The following IRAG2 variants were observed in gnomAD, a reference collection of about 807,000 sequenced individuals.
IRAG2 encodes inositol 1,4,5-triphosphate receptor associated 2, also known as lymphoid restricted membrane protein.
Under a neutral mutation model 69.9 loss-of-function variants are expected in IRAG2, and 45 were observed. The observed-to-expected ratio is 0.64, with a 90% confidence interval of 0.51 to 0.83. The LOEUF (loss-of-function observed/expected upper bound fraction) is 0.83. IRAG2 is among the 40% of genes least tolerant of loss of function. The pLI is 0.00. For synonymous variants in IRAG2, 193 were observed against 202.4 expected, an observed-to-expected ratio of 0.95 and a Z score of 0.40; for missense variants, 520 against 587.0, an observed-to-expected ratio of 0.89 and a Z score of 1.18.
At chr12:24,999,622 A>T (rs1944376688), upstream of IRAG2, among the ~76,000 whole-genome samples, 3 of 152,178 alleles carry the variant, frequency 2.0e-5, no homozygotes, top group Non-Finnish European at 4.4e-5. Flanking sequence ...CCACTTCTTA[A>T]TTTTCTGTTT....
intron 5 of IRAG2, among the ~76,000 whole-genome samples, chr12:25,068,717 C>T (rs1018424693): frequency 4.6e-5 from 7 of 152,058 alleles, no homozygotes; most frequent in Non-Finnish European, 8.8e-5. Flanking sequence ...TCCTATCACT[C>T]GGGAAATTAC....
At chr12:25,002,649 CTT>C (rs374969962), upstream of IRAG2, among the ~76,000 whole-genome samples, 2 of 145,476 alleles carry the variant, frequency 1.4e-5, no homozygotes, top group Non-Finnish European at 3.0e-5. Flanking sequence ...TTCTTCTTTT[CTT>C]TTTTTTTTTG....
At chr12:25,076,778 C>G in intron 6 of IRAG2, 1 of 225,190 alleles carries the variant, frequency 4.4e-6, no homozygotes, top group Non-Finnish European at 7.4e-6. Flanking sequence ...ATTAAGAAAT[C>G]AATTCTTATT....
At chr12:25,003,468 CCTGAGTAGCT>C (rs1219362311), upstream of IRAG2, among the ~76,000 whole-genome samples, 68 of 151,984 alleles carry the variant, frequency 4.5e-4, no homozygotes, top group Non-Finnish European at 4.4e-5. Context: ...ACCCCCACCT[CCTGAGTAGCT>C]GGAACTACAG....
rs1944674351 is a variant in IRAG2, at chr12:25,032,313, A to AG, written c.1591dup (p.Glu531GlyfsTer4). On this transcript the variant is annotated frameshift_variant, in exon 12 of 39. Transcript: ENST00000636465. LOFTEE classifies it high-confidence loss of function. ...GTTGTGTGCGATTCCAGAATTTACG[A>AG]GGGGAAAAAAGTAAACTGGCTCATG... The AG allele has an allele frequency of 2.5e-6, 1 of 398,934 alleles. No individual in the cohort carries two copies. Among genetic ancestry groups the AG allele is most frequent in the African/African-American group, 2.1e-5 (1 of 48,628 alleles). The allele number at this position is 398,934 out of a possible 1,614,324, so 24.7% of individuals were successfully genotyped here. A position where few individuals can be genotyped will look rare whatever the true frequency, so the allele number is the denominator to read the frequency against.
chr12:25,030,964 A>G, intron 10 of IRAG2: 1 of 904,102 alleles, frequency 1.1e-6, no homozygotes, highest in Non-Finnish European at 1.3e-6. Flanking sequence ...AGATACATAG[A>G]TAGATATCAT....
Position 25,063,750 on chromosome 12 carries a change from C to T in IRAG2, c.-273C>T. The T allele has an allele frequency of 7.5e-6, 3 of 398,938 alleles. No homozygotes were observed. The highest frequency in any genetic ancestry group is 1.3e-5 in the Non-Finnish European group (3 of 226,052). 24.7% of individuals were successfully genotyped at this position (398,938 alleles called of 1,614,324 possible). On this transcript the variant is annotated 5_prime_UTR_variant, in exon 4 of 22. Transcript: ENST00000556887. ...GTGTTGCCACAAACTATATGGTGGT[C>T]AAGAAGCAAGAATACATCAGACACC...
upstream of IRAG2, chr12:25,052,268 G>A: frequency 2.6e-6 from 1 of 386,354 alleles, no homozygotes; most frequent in Non-Finnish European, 4.5e-6. Flanking sequence ...AACAACTACA[G>A]GAAGATGCTG....
chr12:25,010,899 C>T (rs550423358), intron 2 of IRAG2, among the ~76,000 whole-genome samples: 1 of 152,248 alleles, frequency 6.6e-6, no homozygotes, highest in Non-Finnish European at 1.5e-5. Context: ...AATGCCTCCT[C>T]CACCCCCTAA....
chr12:25,086,084 CA>C lies in IRAG2; in HGVS notation c.316-2008del, dbSNP rs374986462. ...GAGAGAATAAAATTCCTTCTCATCTCAAAAAAAATATAGACATAAAGACACT... is the reference window on the plus strand; with the variant it reads ...GAGAGAATAAAATTCCTTCTCATCTCAAAAAAATATAGACATAAAGACACT... On this transcript the variant is annotated intron_variant, in intron 10 of 21. Transcript: ENST00000556887. Among the ~76,000 whole-genome samples, 352 of 151,716 alleles carry C rather than the reference CA, an allele frequency of 2.3e-3. 3 individuals carry two copies. Among genetic ancestry groups the C allele is most frequent in the African/African-American group, 7.7e-3 (320 of 41,376 alleles).
chr12:25,102,044 G>A, intron 16 of IRAG2, 154 bp from the exon 17 acceptor site: 1 of 705,578 alleles, frequency 1.4e-6, no homozygotes, highest in East Asian at 2.7e-5. Context: ...TATGAAGAAT[G>A]AAATGAATGA....
intron 14 of IRAG2, among the ~76,000 whole-genome samples, chr12:25,091,566 A>G (rs1446934662): frequency 6.6e-6 from 1 of 152,162 alleles, no homozygotes; most frequent in Non-Finnish European, 1.5e-5. Context: ...AGGTGTATAA[A>G]TATCTCTTGG....
chr12:25,077,352 G>GAAATATATAAA (rs1405265840), intron 6 of IRAG2, among the ~76,000 whole-genome samples: 1 of 24,048 alleles, frequency 4.2e-5, no homozygotes, highest in Non-Finnish European at 9.2e-5. Flanking sequence ...ATATATATAT[G>GAAATATATAAA]ATATATATGA....
At chr12:25,052,041 C>A (rs895050361), upstream of IRAG2, among the ~76,000 whole-genome samples, 3 of 152,048 alleles carry the variant, frequency 2.0e-5, no homozygotes, top group Admixed American at 1.3e-4. Flanking sequence ...TCAGGCTAAG[C>A]GACCAATAAG....
chr12:25,060,998 A>G (rs896746286), intron 1 of IRAG2, among the ~76,000 whole-genome samples: 1 of 152,068 alleles, frequency 6.6e-6, no homozygotes, highest in Non-Finnish European at 1.5e-5. Context: ...AGATTAGACA[A>G]TTCTGTGACT....
the IRAG2 span, among the ~76,000 whole-genome samples, chr12:24,997,860 G>A: frequency 6.6e-6 from 1 of 152,072 alleles, no homozygotes; most frequent in Non-Finnish European, 1.5e-5. Context: ...CTACAAATAG[G>A]GAAAAAAGAT....
chr12:25,066,621 G>A (rs960044735), intron 5 of IRAG2, 109 bp downstream of exon 5: 11 of 392,658 alleles, frequency 2.8e-5, no homozygotes, highest in Non-Finnish European at 4.0e-5. Flanking sequence ...CATCTTTATT[G>A]TCGAACTTCT....
At position 25,079,378 on chromosome 12, in the gene IRAG2, G is replaced by T. The variant is rs773929128; in HGVS notation, c.72-20G>T. On this transcript the variant is annotated intron_variant, in intron 7 of 21. Coordinates refer to ENST00000556887, the MANE Select transcript of IRAG2 (RefSeq NM_001366544.2). ...ATTTGGACCTGACATTCCAAAACAT[G>T]TTTGCTATCTTTTTGGCAGGGAATA... is the stretch of plus-strand genomic sequence containing the variant. 6 of 1,611,394 alleles carry T rather than the reference G, an allele frequency of 3.7e-6. No individual in the cohort carries two copies. In the African/African-American group the frequency reaches 8.0e-5, roughly 22 times the overall value.
intron 16 of IRAG2, among the ~76,000 whole-genome samples, chr12:25,045,569 A>T (rs1272371534): frequency 6.6e-6 from 1 of 152,076 alleles, no homozygotes; most frequent in African/African-American, 2.4e-5. Flanking sequence ...AATACAAAGG[A>T]TTATAAAAGA....
Sources: gnomAD v4.1 joint callset for allele counts (sites outside exome capture counted in the v4.1 genomes callset) on GRCh38, gnomAD v4.1.1 for gene constraint, MANE v1.5 for transcripts, NCBI Gene and HGNC (gene_info 2026-07-23, HGNC 2026-07-21) for gene names.